The following ESR1 variants were observed in gnomAD, a reference collection of about 807,000 sequenced individuals.
ESR1 encodes estrogen receptor.
ESR1 carries 12 observed loss-of-function variants against 52.7 expected under a neutral mutation model. The observed-to-expected ratio is 0.23, with a 90% CI of 0.15 to 0.37. The LOEUF is 0.37. Among genes scored for constraint, ESR1 ranks in the 10% least tolerant of loss-of-function variants. The pLI is 1.00. For missense variants in ESR1, 584 were observed against 779.7 expected (o/e 0.75, Z 2.99); for synonymous variants, 305 against 316.8 (o/e 0.96, Z 0.39).
intron 4 of ESR1, among the ~76,000 whole-genome samples, chr6:152,010,410 T>C (rs1156447415): frequency 6.6e-6 from 1 of 151,894 alleles, no homozygotes; most frequent in Non-Finnish European, 1.5e-5. Context: ...CGCACACACA[T>C]ACACTCAACA....
intron 1 of ESR1, among the ~76,000 whole-genome samples, chr6:151,812,121 G>C (rs549759389): frequency 2.6e-5 from 4 of 152,142 alleles, no homozygotes; most frequent in Admixed American, 6.5e-5. Flanking sequence ...AACTGCCAAG[G>C]GGAGGAACCA....
intron 3 of ESR1, among the ~76,000 whole-genome samples, chr6:151,905,625 C>G (rs1797316837): frequency 6.6e-6 from 1 of 152,044 alleles, no homozygotes; most frequent in Admixed American, 6.5e-5. Context: ...CTAATATAAT[C>G]TATTTTTTGA....
At chr6:151,739,637 T>C (rs1782931943) in intron 2 of ESR1, among the ~76,000 whole-genome samples, 1 of 152,230 alleles carries the variant, frequency 6.6e-6, no homozygotes, top group Non-Finnish European at 1.5e-5. Context: ...AGCAAGGGTA[T>C]GCAGATGATA....
intron 2 of ESR1, among the ~76,000 whole-genome samples, chr6:151,787,148 G>C (rs564561076): frequency 1.3e-5 from 2 of 152,176 alleles, no homozygotes; most frequent in Admixed American, 1.3e-4. Context: ...AGATCAGATA[G>C]TTGTAGGTGT....
At chr6:151,895,730 C>A (rs1024718470) in intron 3 of ESR1, among the ~76,000 whole-genome samples, 1 of 152,180 alleles carries the variant, frequency 6.6e-6, no homozygotes, top group African/African-American at 2.4e-5. Flanking sequence ...CCCTGCATCC[C>A]TGGTATGAAA....
intron 3 of ESR1, among the ~76,000 whole-genome samples, chr6:151,881,882 CAATAAATAAAT>C (rs1317702390): frequency 1.5e-5 from 2 of 134,806 alleles, no homozygotes; most frequent in Admixed American, 1.5e-4. Context: ...GACTCTGTCT[CAATAAATAAAT>C]AAATAAATAA....
intron 5 of ESR1, among the ~76,000 whole-genome samples, chr6:152,044,802 G>A (rs796506056): frequency 7.9e-5 from 12 of 152,256 alleles, no homozygotes; most frequent in African/African-American, 2.9e-4. Context: ...CCCAGATTGA[G>A]GATGGGTCTC....
At chr6:151,860,899 T>C (rs550267091) in intron 2 of ESR1, among the ~76,000 whole-genome samples, 3 of 152,278 alleles carry the variant, frequency 2.0e-5, no homozygotes, top group African/African-American at 7.2e-5. Context: ...CTAAGCTTTG[T>C]TCTTGTTTTT....
intron 1 of ESR1, among the ~76,000 whole-genome samples, chr6:151,832,604 T>C (rs553934174): frequency 3.4e-4 from 52 of 152,228 alleles, no homozygotes; most frequent in Non-Finnish European, 6.8e-4. Context: ...TCTCATTACC[T>C]GAATACATTC....
intron 2 of ESR1, among the ~76,000 whole-genome samples, chr6:151,791,554 G>T (rs1231984849): frequency 6.6e-6 from 1 of 152,140 alleles, no homozygotes; most frequent in Non-Finnish European, 1.5e-5. Context: ...GAGCCACATT[G>T]TTACAGAGTT....
chr6:152,068,619 T>C (rs1463573623), intron 6 of ESR1, among the ~76,000 whole-genome samples: 1 of 152,240 alleles, frequency 6.6e-6, no homozygotes. Context: ...AATGTCTTCA[T>C]GTCTTTTGGA....
intron 2 of ESR1, among the ~76,000 whole-genome samples, chr6:151,874,073 G>A (rs1791423306): frequency 6.6e-6 from 1 of 152,150 alleles, no homozygotes; most frequent in Non-Finnish European, 1.5e-5. Flanking sequence ...ATGTGTGAGT[G>A]CTTAAACATT....
chr6:151,778,626 G>A (rs1786243582), intron 2 of ESR1, among the ~76,000 whole-genome samples: 1 of 151,728 alleles, frequency 6.6e-6, no homozygotes, highest in African/African-American at 2.4e-5. Context: ...GGCTGGTCTC[G>A]AACTCCTAAC....
chr6:151,875,288 G>A (rs545650420), intron 2 of ESR1, among the ~76,000 whole-genome samples: 28 of 152,282 alleles, frequency 1.8e-4, no homozygotes, highest in African/African-American at 5.3e-4. Flanking sequence ...GAGTTTTGGG[G>A]TCCTGAGGTA....
At chr6:152,039,753 A>G (rs2128892222) in intron 5 of ESR1, among the ~76,000 whole-genome samples, 1 of 152,268 alleles carries the variant, frequency 6.6e-6, no homozygotes, top group East Asian at 1.9e-4. Context: ...CAGCCCTGCA[A>G]AGTATTGTCG....
chr6:151,749,356 T>G (rs1418568715), intron 2 of ESR1, among the ~76,000 whole-genome samples: 1 of 152,232 alleles, frequency 6.6e-6, no homozygotes, highest in African/African-American at 2.4e-5. Context: ...GTGTGCATTG[T>G]GTAATGATGA....
At chr6:152,062,259 G>A (rs2128962252) in intron 6 of ESR1, among the ~76,000 whole-genome samples, 1 of 152,146 alleles carries the variant, frequency 6.6e-6, no homozygotes, top group South Asian at 2.1e-4. Flanking sequence ...TTGCTTAATG[G>A]AATCAGCCCT....
chr6:151,998,798 A>T (rs893936485), intron 4 of ESR1, among the ~76,000 whole-genome samples: 3 of 152,070 alleles, frequency 2.0e-5, no homozygotes, highest in Non-Finnish European at 4.4e-5. Context: ...AAGTTTAGGT[A>T]TCCTTCCCCT....
chr6:152,096,822 G>A (rs956511474), intron 7 of ESR1: 6 of 354,544 alleles, frequency 1.7e-5, no homozygotes, highest in South Asian at 2.3e-5. Flanking sequence ...ATCCCTGGCT[G>A]AGAGAATAAC....
Sources: allele counts gnomAD v4.1 joint callset (sites outside exome capture counted in the v4.1 genomes callset), GRCh38; gene constraint gnomAD v4.1.1; transcripts MANE v1.5; gene names NCBI Gene and HGNC (gene_info 2026-07-23, HGNC 2026-07-21).